PPP1R3F: variants seen among roughly 807,000 people sequenced by gnomAD.
The protein encoded by PPP1R3F is protein phosphatase 1, regulatory (inhibitor) subunit 3F.
PPP1R3F carries 29 observed loss-of-function variants against 24.2 expected under a neutral mutation model. The observed-to-expected ratio is 1.20, with a 90% CI of 0.89 to 1.63. The LOEUF is 1.63. PPP1R3F is among the 40% of genes most tolerant of loss of function. The probability of loss-of-function intolerance (pLI) is 0.00; values close to 1 mark genes in which losing one functional copy is unlikely to be tolerated. For synonymous variants in PPP1R3F, 363 were observed against 340.1 expected (o/e 1.07, Z -0.74); for missense variants, 823 against 729.3 (o/e 1.13, Z -1.48).
At chrX:49,278,276 C>T (rs1189795521) in intron 1 of PPP1R3F, among the ~76,000 whole-genome samples, 6 of 112,108 alleles carry the variant, frequency 5.4e-5, no homozygotes, top group Admixed American at 9.4e-5. Flanking sequence ...CCTGCTACTG[C>T]GCACAGGTGG....
At chrX:49,279,237 CA>C (rs1290496919) in intron 1 of PPP1R3F, among the ~76,000 whole-genome samples, 1 of 110,667 alleles carries the variant, frequency 9.0e-6, no homozygotes, top group Non-Finnish European at 1.9e-5. Context: ...AAACAAAATA[CA>C]AAAAAACAAA....
At position 49,270,491 on chromosome X, in the gene PPP1R3F, G is replaced by A. The variant is rs781887808; in HGVS notation, c.622G>A (p.Ala208Thr). The A allele has an allele frequency of 3.7e-5, 45 of 1,204,692 alleles. 1 individual carries two copies. In the South Asian group the frequency reaches 7.7e-4, roughly 21 times the overall value. Reference protein sequence around the residue: ...YVPRSPPWAGAGGTGAGDPIL... With the variant: ...YVPRSPPWAGTGGTGAGDPIL... ...CCCGCGCAGCCCGCCGTGGGCAGGA[G>A]CGGGAGGAACAGGAGCAGGAGATCC... The change falls in exon 1 of 4, where the codon GCG (alanine) becomes ACG (threonine). Residue 208 changes from alanine (A) to threonine (T), a missense_variant. Physicochemically the swap from Ala to Thr is moderately conservative, Grantham distance 58 (BLOSUM62 0). Coordinates refer to ENST00000055335, the MANE Select transcript of PPP1R3F (RefSeq NM_033215.5).
chrX:49,277,394 C>T (rs189130863), intron 1 of PPP1R3F, among the ~76,000 whole-genome samples: 31 of 112,720 alleles, frequency 2.8e-4, no homozygotes, highest in African/African-American at 8.7e-4. Context: ...CCAAATGATG[C>T]ATGTCCAAGA....
At chrX:49,297,244 C>T (rs1414004305) in intron 3 of PPP1R3F, among the ~76,000 whole-genome samples, 2 of 107,282 alleles carry the variant, frequency 1.9e-5, no homozygotes, top group African/African-American at 3.4e-5. Context: ...GACAGAGTCT[C>T]GCTCTGTCAC....
At chrX:49,279,043 C>T (rs1282577137) in intron 1 of PPP1R3F, among the ~76,000 whole-genome samples, 1 of 112,042 alleles carries the variant, frequency 8.9e-6, no homozygotes, top group Non-Finnish European at 1.9e-5. Context: ...ATAGTACTGC[C>T]TGCTTCAGAG....
rs1231876892 is a variant in PPP1R3F, at chrX:49,288,083, CA to C, written c.*995del. 8.9e-6 allele frequency: 1 copy of C among 112,212 alleles called. No homozygotes were observed. Among genetic ancestry groups the C allele is most frequent in the Non-Finnish European group, 1.9e-5 (1 of 53,244 alleles). The allele number at this position is 112,212 out of a possible 1,213,427, so 9.2% of individuals were successfully genotyped here. On this transcript the variant is annotated 3_prime_UTR_variant, in exon 4 of 4. Coordinates refer to ENST00000055335, the MANE Select transcript of PPP1R3F (RefSeq NM_033215.5). ...TATTGCATGCAAATAAAAAACTGCT[CA>C]ACAAAATAAAACACCACATATTTAT...
At chrX:49,289,209 C>G (rs1309076213), downstream of PPP1R3F, among the ~76,000 whole-genome samples, 2 of 111,985 alleles carry the variant, frequency 1.8e-5, no homozygotes, top group East Asian at 5.6e-4. Context: ...GACACAGAAA[C>G]AACCATAAAT....
chrX:49,280,050 T>G (rs2066238040), intron 1 of PPP1R3F, among the ~76,000 whole-genome samples: 1 of 111,269 alleles, frequency 9.0e-6, no homozygotes, highest in Non-Finnish European at 1.9e-5. Context: ...CTGTGCTTAG[T>G]GCACATCCTG....
Position 49,269,847 on chromosome X carries a change from T to TCGGTGCCGC in PPP1R3F, c.-20_-12dup. On this transcript the variant is annotated 5_prime_UTR_variant, in exon 1 of 4. Coordinates refer to ENST00000055335, the MANE Select transcript of PPP1R3F (RefSeq NM_033215.5). ...CCCGCCGGTCCCGCCGCCGGTGCCGTCGGTGCCGCCGCCGCCGCCGATATG... is the reference window on the plus strand; with the variant it reads ...CCCGCCGGTCCCGCCGCCGGTGCCGTCGGTGCCGCCGGTGCCGCCGCCGCCGCCGATATG... The TCGGTGCCGC allele has an allele frequency of 3.4e-6, 3 of 875,934 alleles. No individual in the cohort carries two copies. Among genetic ancestry groups the TCGGTGCCGC allele is most frequent in the Non-Finnish European group, 4.2e-6 (3 of 714,455 alleles). 72.2% of individuals were successfully genotyped at this position (875,934 alleles called of 1,213,427 possible). A position where few individuals can be genotyped will look rare whatever the true frequency, so the allele number is the denominator to read the frequency against.
At chrX:49,278,936 G>A (rs1470299481) in intron 1 of PPP1R3F, among the ~76,000 whole-genome samples, 1 of 112,743 alleles carries the variant, frequency 8.9e-6, no homozygotes, top group East Asian at 2.8e-4. Flanking sequence ...AGCAGCAGCT[G>A]ACTGGGTAAG....
At chrX:49,277,338 A>G (rs1347507196) in intron 1 of PPP1R3F, among the ~76,000 whole-genome samples, 1 of 112,167 alleles carries the variant, frequency 8.9e-6, no homozygotes, top group Admixed American at 9.4e-5. Flanking sequence ...CAGGCCTGAG[A>G]TGGCCCCTTT....
intron 1 of PPP1R3F, chrX:49,273,160 A>G (rs1476000192): frequency 1.8e-5 from 2 of 109,875 alleles, no homozygotes; most frequent in Admixed American, 1.9e-4. Context: ...GATACTGAGC[A>G]GGTCCAGTAC....
Position 49,285,847 on chromosome X carries a change from C to G in PPP1R3F, c.1157C>G (p.Pro386Arg), listed in dbSNP as rs781865197. The G allele has an allele frequency of 8.7e-7, 1 of 1,146,840 alleles. No individual in the cohort carries two copies. The highest frequency in any genetic ancestry group is 2.7e-5 in the Admixed American group (1 of 37,509). 94.5% of individuals were successfully genotyped at this position (1,146,840 alleles called of 1,213,427 possible). ...CCATGGCTCCAGGTTTCTGACGTTC[C>G]GATGACTGGCAACCCCGCAGAAGAA... ...PQMTLQVSDVPMTGNPAEEGD... is the reference protein window; with the variant it reads ...PQMTLQVSDVRMTGNPAEEGD... Residue 386 changes from proline to arginine, a missense_variant, in exon 4 of 4, where the codon CCG becomes CGG. Physicochemically the swap from Pro to Arg is moderately radical, Grantham distance 103. Coordinates refer to ENST00000055335, the MANE Select transcript of PPP1R3F (RefSeq NM_033215.5).
chrX:49,300,071 C>G (rs2066333222), intron 3 of PPP1R3F, among the ~76,000 whole-genome samples: 1 of 111,768 alleles, frequency 8.9e-6, no homozygotes, highest in African/African-American at 3.3e-5. Flanking sequence ...AAAACAACTC[C>G]TGCAGCAAGC....
chrX:49,295,259 T>A, intron 3 of PPP1R3F, among the ~76,000 whole-genome samples: 1 of 111,436 alleles, frequency 9.0e-6, no homozygotes, highest in Non-Finnish European at 1.9e-5. Context: ...TTCTCGTGTC[T>A]CAGCCTCCCA....
rs1436136669 is a variant in PPP1R3F, at chrX:49,270,738, C to G, written c.869C>G (p.Ala290Gly). The change falls in exon 1 of 4, where the codon GCT becomes GGT. Residue 290 changes from alanine (A) to glycine (G), a missense_variant. Transcript: ENST00000055335. The stretch of plus-strand genomic sequence containing the variant: ...ACAGTCCTGCTCCGGATCGCACCCG[C>G]TCCCACACCCACTGATGCCGAAGGG... Reference protein sequence around the residue: ...NYTVLLRIAPAPTPTDAEGLP... With the variant: ...NYTVLLRIAPGPTPTDAEGLP... 3.3e-5 allele frequency: 40 copies of G among 1,203,813 alleles called. No individual in the cohort carries two copies. The highest frequency in any genetic ancestry group is 4.0e-5 in the Non-Finnish European group (36 of 892,033).
At chrX:49,281,303 G>T (rs2066247005) in intron 1 of PPP1R3F, 103 bp from the exon 2 acceptor site, 2 of 502,873 alleles carry the variant, frequency 4.0e-6, no homozygotes, top group Non-Finnish European at 6.5e-6. Context: ...GCAGCTGTCA[G>T]GTGAAGGTGG....
chrX:49,270,315 C>G lies in PPP1R3F; in HGVS notation c.446C>G (p.Pro149Arg). Residue 149 changes from proline to arginine, a missense_variant, in exon 1 of 4, where the codon CCC (proline) becomes CGC (arginine). Transcript: ENST00000055335. ...EALLPPPGAV[P>R]GGAGVWVPGG... Reference sequence around the variant, plus strand: ...CTGCTGCCGCCTCCCGGAGCGGTCCCCGGGGGTGCCGGGGTGTGGGTGCCT... The same window carrying G: ...CTGCTGCCGCCTCCCGGAGCGGTCCGCGGGGGTGCCGGGGTGTGGGTGCCT... 7.1e-6 allele frequency: 8 copies of G among 1,123,756 alleles called. No individual in the cohort carries two copies. In the Middle Eastern group the frequency reaches 8.8e-4, roughly 123 times the overall value. 92.6% of individuals were successfully genotyped at this position (1,123,756 alleles called of 1,213,427 possible).
chrX:49,287,003 C>T lies in PPP1R3F; in HGVS notation c.2313C>T (p.Ala771=), dbSNP rs369711609. 387 of 1,210,619 alleles carry T rather than the reference C, an allele frequency of 3.2e-4. No individual in the cohort carries two copies. Among genetic ancestry groups the T allele is most frequent in the Non-Finnish European group, 4.2e-4 (372 of 895,290 alleles). Residue 771 remains alanine (A), a synonymous_variant, in exon 4 of 4, where the codon GCC becomes GCT. Coordinates refer to ENST00000055335, the MANE Select transcript of PPP1R3F (RefSeq NM_033215.5). ...GPLTQTLGVL[A]GLVVVPVALN... ...TGACCCAGACTCTGGGGGTCCTGGC[C>T]GGGCTAGTGGTGGTCCCTGTGGCTC...
Sources: allele counts gnomAD v4.1 joint callset (sites outside exome capture counted in the v4.1 genomes callset), GRCh38; gene constraint gnomAD v4.1.1; transcripts MANE v1.5; gene names NCBI Gene and HGNC (gene_info 2026-07-23, HGNC 2026-07-21).